Variants in CARMIL1 observed in about 807,000 individuals in gnomAD.
CARMIL1 encodes capping protein regulator and myosin 1 linker 1.
Under a neutral mutation model 177.1 loss-of-function variants are expected in CARMIL1, and 90 were observed. The observed-to-expected ratio is 0.51, with a 90% CI of 0.43 to 0.61. The LOEUF is 0.61. Among genes scored for constraint, CARMIL1 ranks in the 20% least tolerant of loss-of-function variants. The pLI is 0.00. For missense variants in CARMIL1, 1,380 were observed against 1,667.0 expected, an observed-to-expected ratio of 0.83 and a Z score of 3.00; for synonymous variants, 577 against 606.2, an observed-to-expected ratio of 0.95 and a Z score of 0.71.
intron 2 of CARMIL1, among the ~76,000 whole-genome samples, chr6:25,399,063 C>T (rs542979798): frequency 2.6e-5 from 4 of 152,156 alleles, no homozygotes; most frequent in African/African-American, 4.8e-5. Context: ...TTTTCTTCCC[C>T]GCTCACAGAT....
intron 36 of CARMIL1, among the ~76,000 whole-genome samples, chr6:25,611,430 C>A (rs1000318997): frequency 3.9e-5 from 6 of 152,216 alleles, no homozygotes; most frequent in African/African-American, 1.4e-4. Flanking sequence ...GATGCCATCT[C>A]AGAGAGACTT....
At chr6:25,418,306 A>G (rs920371813) in intron 2 of CARMIL1, among the ~76,000 whole-genome samples, 1 of 152,096 alleles carries the variant, frequency 6.6e-6, no homozygotes, top group Non-Finnish European at 1.5e-5. Flanking sequence ...TTCTCCCCTA[A>G]TTATATGACC....
In CARMIL1 at chr6:25,435,551, G is replaced by A. The variant is rs1413186903; in HGVS notation, c.318G>A (p.Val106=). 1.9e-6 allele frequency: 3 copies of A among 1,560,504 alleles called. No homozygotes were observed. The highest frequency in any genetic ancestry group is 2.6e-6 in the Non-Finnish European group (3 of 1,151,492). Residue 106 remains valine, a synonymous_variant, in exon 5 of 37, where the codon GTG becomes GTA. Transcript: ENST00000329474. Reference sequence around the variant, plus strand: ...CGTCACCCGAGGACGTGAGTGAGGTGCTGGCTCACATAGGCACCTGCCTGA... The same window carrying A: ...CGTCACCCGAGGACGTGAGTGAGGTACTGGCTCACATAGGCACCTGCCTGA... ...KMASPEDVSE[V]LAHIGTCLRK... is the part of the protein sequence containing the mutation.
At position 25,279,701 on chromosome 6, in the gene CARMIL1, T is replaced by G; in HGVS notation, c.-95T>G. 4 of 1,187,022 alleles carry G rather than the reference T, an allele frequency of 3.4e-6. No individual in the cohort carries two copies. Among genetic ancestry groups the G allele is most frequent in the South Asian group, 2.4e-5 (2 of 82,564 alleles). The allele number at this position is 1,187,022 out of a possible 1,614,324, so 73.5% of individuals were successfully genotyped here. ...TGCCCACTTCCATTTGCAAGCTGCA[T>G]CTGCCTCTCTAAAAAAATTGAGGAG... On this transcript the variant is annotated 5_prime_UTR_variant, in exon 1 of 37. Transcript: ENST00000329474.
chr6:25,617,985 G>A (rs1759422413), intron 36 of CARMIL1, among the ~76,000 whole-genome samples: 1 of 152,150 alleles, frequency 6.6e-6, no homozygotes, highest in Admixed American at 6.5e-5. Context: ...GCCTGAATCT[G>A]TTGGACAAAA....
chr6:25,296,176 C>T (rs887022787), intron 2 of CARMIL1, among the ~76,000 whole-genome samples: 5 of 152,196 alleles, frequency 3.3e-5, no homozygotes, highest in Non-Finnish European at 7.3e-5. Context: ...CATGGTCCTT[C>T]CCCACTCCAC....
In CARMIL1 at chr6:25,485,478, C is replaced by T. The variant is rs1032289641; in HGVS notation, c.962-3004C>T. ...TCGCTCGGGCTGGAGTGCAGTTGCA[C>T]GATCTTGGCTCACTTGCATGATCTT... On this transcript the variant is annotated intron_variant, in intron 12 of 36. Transcript: ENST00000329474. Among the ~76,000 whole-genome samples the T allele has an allele frequency of 7.2e-5, 11 of 152,324 alleles. No homozygotes were observed. In the South Asian group the frequency reaches 1.0e-3, roughly 14 times the overall value.
chr6:25,484,679 AC>A (rs1802453929), intron 12 of CARMIL1, among the ~76,000 whole-genome samples: 2 of 152,080 alleles, frequency 1.3e-5, no homozygotes, highest in South Asian at 4.1e-4. Flanking sequence ...AAGAAGGCAA[AC>A]CCCCTCCAAA....
rs1350269178 is a variant in CARMIL1, at chr6:25,326,648, T to C, written c.138+41739T>C. 6.6e-6 allele frequency among the ~76,000 whole-genome samples: 1 copy of C among 152,150 alleles called. No homozygotes were observed. Among genetic ancestry groups the C allele is most frequent in the Non-Finnish European group, 1.5e-5 (1 of 68,026 alleles). ...TGGAGGTGGGACTCAGCAATCTGCTTTAACAAGTCCTTTGGATGATCTGAT... is the reference window on the plus strand; with the variant it reads ...TGGAGGTGGGACTCAGCAATCTGCTCTAACAAGTCCTTTGGATGATCTGAT... On this transcript the variant is annotated intron_variant, in intron 2 of 36. Coordinates refer to ENST00000329474, the MANE Select transcript of CARMIL1 (RefSeq NM_017640.6). This position sits in a 1 kb window ranked among gnomAD's most constrained non-coding sequence, Gnocchi z 4.2.
intron 5 of CARMIL1, among the ~76,000 whole-genome samples, chr6:25,448,913 CTTCT>C (rs949612718): frequency 2.4e-5 from 3 of 124,352 alleles, no homozygotes; most frequent in African/African-American, 8.7e-5. Flanking sequence ...ACCAGGGATT[CTTCT>C]TTTTTTTTTT....
intron 2 of CARMIL1, among the ~76,000 whole-genome samples, chr6:25,392,305 A>G (rs751046674): frequency 1.4e-4 from 22 of 152,196 alleles, no homozygotes; most frequent in Admixed American, 2.6e-4. Flanking sequence ...GACCTGCCTT[A>G]TAAAAGAGTT....
intron 2 of CARMIL1, among the ~76,000 whole-genome samples, chr6:25,295,988 C>T (rs1782340166): frequency 6.6e-6 from 1 of 152,212 alleles, no homozygotes; most frequent in Non-Finnish European, 1.5e-5. Context: ...AGGCACATGG[C>T]ACTTTCATTA....
At chr6:25,477,087 C>CAAAAAAA (rs1162798140) in intron 11 of CARMIL1, among the ~76,000 whole-genome samples, 1 of 47,422 alleles carries the variant, frequency 2.1e-5, no homozygotes. Context: ...AATTCCGTCT[C>CAAAAAAA]AAAAAAAAAA....
At chr6:25,456,906 A>G (rs1799583017) in intron 8 of CARMIL1, among the ~76,000 whole-genome samples, 1 of 151,994 alleles carries the variant, frequency 6.6e-6, no homozygotes, top group Admixed American at 6.6e-5. Context: ...CTATCAGGAA[A>G]GAGTTCTGAG....
At chr6:25,480,953 C>T (rs536026420) in intron 11 of CARMIL1, among the ~76,000 whole-genome samples, 1 of 152,030 alleles carries the variant, frequency 6.6e-6, no homozygotes, top group Non-Finnish European at 1.5e-5. Flanking sequence ...ATCTCCTGAC[C>T]TTGTGATCCG....
At chr6:25,553,737 C>T (rs1810354128) in intron 27 of CARMIL1, among the ~76,000 whole-genome samples, 1 of 152,128 alleles carries the variant, frequency 6.6e-6, no homozygotes, top group African/African-American at 2.4e-5. Context: ...TTGTCTTTAT[C>T]CAGACGTTTT....
intron 2 of CARMIL1, among the ~76,000 whole-genome samples, chr6:25,341,707 C>T (rs1786963480): frequency 6.6e-6 from 1 of 152,244 alleles, no homozygotes; most frequent in African/African-American, 2.4e-5. Context: ...TAGAGCGAGA[C>T]TCTGTCTCAA....
intron 33 of CARMIL1, among the ~76,000 whole-genome samples, chr6:25,604,189 T>C (rs1269927320): frequency 1.3e-5 from 2 of 152,196 alleles, no homozygotes; most frequent in South Asian, 2.1e-4. Context: ...GTGATCCTCC[T>C]GCCTCAGCCT....
intron 24 of CARMIL1, 65 bp from the exon 25 acceptor site, chr6:25,537,790 G>A: frequency 1.3e-6 from 2 of 1,588,294 alleles, no homozygotes; most frequent in South Asian, 1.2e-5. Flanking sequence ...TTCGTTCTGT[G>A]TTTCCTTCTA....
Sources: allele counts gnomAD v4.1 joint callset (sites outside exome capture counted in the v4.1 genomes callset), GRCh38; gene constraint gnomAD v4.1.1; non-coding constraint Gnocchi (gnomAD v3.1); transcripts MANE v1.5; gene names NCBI Gene and HGNC (gene_info 2026-07-23, HGNC 2026-07-21).